Variants in KHDRBS2 observed in about 807,000 individuals in gnomAD.
The protein encoded by KHDRBS2 is KH RNA binding domain containing, signal transduction associated 2.
A neutral mutation model predicts 44.3 loss-of-function variants in KHDRBS2; 26 were observed. The observed-to-expected ratio is 0.59, with a 90% CI of 0.43 to 0.81. KHDRBS2 has a LOEUF of 0.81. Ranked by LOEUF, KHDRBS2 falls within the 40% of genes least tolerant of loss-of-function variation. KHDRBS2 has a pLI of 0.00. For missense variants in KHDRBS2, 476 were observed against 433.1 expected, an observed-to-expected ratio of 1.10 and a Z score of -0.88; for synonymous variants, 194 against 151.1, an observed-to-expected ratio of 1.28 and a Z score of -2.08.
intron 4 of KHDRBS2, among the ~76,000 whole-genome samples, chr6:61,958,731 AC>A (rs1767978753): frequency 6.6e-6 from 1 of 152,124 alleles, no homozygotes; most frequent in South Asian, 2.1e-4. Flanking sequence ...ACTCTATTTC[AC>A]CTAATGTCTT....
chr6:61,809,742 A>G (rs9453095), intron 6 of KHDRBS2, among the ~76,000 whole-genome samples: 1 of 152,182 alleles, frequency 6.6e-6, no homozygotes, highest in African/African-American at 2.4e-5. Flanking sequence ...TCAAGACCCT[A>G]CCTGACAACC....
At chr6:61,824,385 T>C (rs1790510877) in intron 6 of KHDRBS2, among the ~76,000 whole-genome samples, 1 of 152,070 alleles carries the variant, frequency 6.6e-6, no homozygotes, top group Non-Finnish European at 1.5e-5. Flanking sequence ...TCTCTCTCTC[T>C]CCTGCTGCCA....
At chr6:62,069,391 T>A (rs1022470660) in intron 2 of KHDRBS2, among the ~76,000 whole-genome samples, 12 of 151,764 alleles carry the variant, frequency 7.9e-5, no homozygotes, top group Non-Finnish European at 1.5e-4. Flanking sequence ...ACGCATAGTC[T>A]GTGTGAAATG....
intron 2 of KHDRBS2, among the ~76,000 whole-genome samples, chr6:62,166,579 T>C (rs1009222253): frequency 5.9e-5 from 9 of 152,088 alleles, no homozygotes; most frequent in African/African-American, 1.9e-4. Context: ...AATAATCCCT[T>C]ATCTACATGT....
At chr6:61,656,404 T>C in the KHDRBS2 span, among the ~76,000 whole-genome samples, 11 of 152,014 alleles carry the variant, frequency 7.2e-5, no homozygotes, top group South Asian at 2.1e-4. Flanking sequence ...GAGAGGTTAA[T>C]TGACAACTAA....
intron 2 of KHDRBS2, among the ~76,000 whole-genome samples, chr6:62,107,665 G>C (rs929873115): frequency 1.3e-5 from 2 of 152,154 alleles, no homozygotes; most frequent in South Asian, 2.1e-4. Context: ...AACAAAGCTG[G>C]AGGCATCATG....
At chr6:62,078,875 A>G (rs1796848073) in intron 2 of KHDRBS2, among the ~76,000 whole-genome samples, 1 of 152,026 alleles carries the variant, frequency 6.6e-6, no homozygotes, top group African/African-American at 2.4e-5. Flanking sequence ...AAAAGGGAAC[A>G]TTTTTTGTGT....
At chr6:61,662,961 A>T in the KHDRBS2 span, among the ~76,000 whole-genome samples, 24 of 151,914 alleles carry the variant, frequency 1.6e-4, no homozygotes, top group Middle Eastern at 6.8e-3. Context: ...GTATGTTTAT[A>T]GCGGCACTAT....
intron 6 of KHDRBS2, among the ~76,000 whole-genome samples, chr6:61,752,199 C>G (rs1192324393): frequency 6.6e-6 from 1 of 152,046 alleles, no homozygotes; most frequent in East Asian, 1.9e-4. Context: ...AATCATAGGC[C>G]TGGAGATGGG....
chr6:61,773,793 T>C (rs1398183219), intron 6 of KHDRBS2, among the ~76,000 whole-genome samples: 3 of 151,134 alleles, frequency 2.0e-5, no homozygotes, highest in Non-Finnish European at 3.0e-5. Context: ...TGTTTAAGTC[T>C]TTAAACCATC....
downstream of KHDRBS2, among the ~76,000 whole-genome samples, chr6:61,677,214 A>G (rs954075456): frequency 1.3e-5 from 2 of 151,908 alleles, no homozygotes; most frequent in African/African-American, 4.8e-5. Flanking sequence ...TGATTAACAC[A>G]TCAAAAGAAT....
chr6:61,557,497 C>A, the KHDRBS2 span, among the ~76,000 whole-genome samples: 2 of 152,088 alleles, frequency 1.3e-5, no homozygotes, highest in African/African-American at 4.8e-5. Flanking sequence ...GCTTTCATTG[C>A]CTTTCCTTTC....
chr6:61,671,383 T>A, the KHDRBS2 span, among the ~76,000 whole-genome samples: 1 of 151,628 alleles, frequency 6.6e-6, no homozygotes, highest in Non-Finnish European at 1.5e-5. Flanking sequence ...TGTTTGGGTA[T>A]AAAGAAAGAT....
chr6:61,834,042 G>A (rs903968274), intron 6 of KHDRBS2, among the ~76,000 whole-genome samples: 1 of 152,056 alleles, frequency 6.6e-6, no homozygotes, highest in African/African-American at 2.4e-5. Context: ...TCTGTTGGTA[G>A]ATTTTTCTAA....
chr6:62,238,935 T>A (rs1235389746), intron 1 of KHDRBS2, among the ~76,000 whole-genome samples: 4 of 152,122 alleles, frequency 2.6e-5, no homozygotes. Flanking sequence ...GATCTAATAA[T>A]GAGAAAACAA....
chr6:62,063,602 A>G lies in KHDRBS2; in HGVS notation c.220-15608T>C, dbSNP rs940988791. ...CAACCCTTCATGATAAAAACTCTCA[A>G]TAAATTAGGTATTGATGGGATGTAT... On this transcript the variant is annotated intron_variant, in intron 2 of 8. Coordinates refer to ENST00000281156, the MANE Select transcript of KHDRBS2 (RefSeq NM_152688.4). 6.0e-4 allele frequency among the ~76,000 whole-genome samples: 91 copies of G among 151,710 alleles called. No individual in the cohort carries two copies. The Middle Eastern group carries it at 0.01, about 17-fold the overall frequency.
intron 1 of KHDRBS2, among the ~76,000 whole-genome samples, chr6:62,247,357 A>G (rs1258833464): frequency 6.6e-6 from 1 of 151,676 alleles, no homozygotes; most frequent in Non-Finnish European, 1.5e-5. Context: ...ATTGCTCCGC[A>G]TTACTAGTGC....
the KHDRBS2 span, among the ~76,000 whole-genome samples, chr6:61,606,329 C>T: frequency 2.4e-3 from 372 of 152,278 alleles, 2 homozygotes; most frequent in African/African-American, 8.6e-3. Flanking sequence ...CCTTTGACTT[C>T]AGCTTCCAGA....
intron 4 of KHDRBS2, among the ~76,000 whole-genome samples, chr6:61,902,875 T>A (rs1562406641): frequency 6.6e-6 from 1 of 152,188 alleles, no homozygotes; most frequent in African/African-American, 2.4e-5. Context: ...CTACAAGGAT[T>A]TCTTTGGCAC....
Sources: allele counts gnomAD v4.1 joint callset (sites outside exome capture counted in the v4.1 genomes callset), GRCh38; gene constraint gnomAD v4.1.1; transcripts MANE v1.5; gene names NCBI Gene and HGNC (gene_info 2026-07-23, HGNC 2026-07-21).